The following BEND7 variants were observed in gnomAD, a reference collection of about 807,000 sequenced individuals.
BEND7 encodes BEN domain containing 7.
A neutral mutation model predicts 50.9 loss-of-function variants in BEND7; 28 were observed. The ratio of observed to expected loss-of-function variants is 0.55; its 90% CI spans 0.41 to 0.75. The LOEUF (loss-of-function observed/expected upper bound fraction) is 0.75. Among genes scored for constraint, BEND7 ranks in the 30% least tolerant of loss-of-function variants. The probability of loss-of-function intolerance (pLI) is 0.00; values close to 1 mark genes in which losing one functional copy is unlikely to be tolerated. For synonymous variants in BEND7, 170 were observed against 183.9 expected, an observed-to-expected ratio of 0.92 and a Z score of 0.61; for missense variants, 477 against 491.3, an observed-to-expected ratio of 0.97 and a Z score of 0.28.
At chr10:13,517,399 G>A (rs1448034277) in intron 2 of BEND7, among the ~76,000 whole-genome samples, 4 of 152,050 alleles carry the variant, frequency 2.6e-5, no homozygotes, top group Non-Finnish European at 2.9e-5. Flanking sequence ...GAATCAGCTC[G>A]AAGAAGTAGA....
intron 4 of BEND7, among the ~76,000 whole-genome samples, chr10:13,495,839 C>T (rs971192472): frequency 5.3e-5 from 8 of 152,276 alleles, no homozygotes; most frequent in East Asian, 3.9e-4. Flanking sequence ...GACGACCTTC[C>T]GGACTACCAT....
In BEND7 at chr10:13,521,382, T is replaced by C. The variant is rs79784983; in HGVS notation, c.145+4756A>G. 7.0e-4 allele frequency among the ~76,000 whole-genome samples: 107 copies of C among 152,298 alleles called. No homozygotes were observed. In the East Asian group the frequency reaches 0.02, roughly 29 times the overall value. The stretch of plus-strand genomic sequence containing the variant: ...TCTTGGGACAATTAATGGGATAACA[T>C]TTACAAAGTCCTTTACATAGTGCTG... On this transcript the variant is annotated intron_variant, in intron 2 of 8. Transcript: ENST00000466271.
chr10:13,501,287 C>T (rs1466567587), intron 2 of BEND7, among the ~76,000 whole-genome samples: 1 of 147,320 alleles, frequency 6.8e-6, no homozygotes, highest in East Asian at 2.0e-4. Context: ...GCCAGGAGAA[C>T]CCGGCTCACC....
intron 2 of BEND7, among the ~76,000 whole-genome samples, chr10:13,507,432 C>T (rs1189705378): frequency 6.6e-6 from 1 of 152,186 alleles, no homozygotes; most frequent in African/African-American, 2.4e-5. Context: ...CACTATTACA[C>T]TATCATGTCC....
chr10:13,485,036 G>T (rs1004272635), intron 5 of BEND7, among the ~76,000 whole-genome samples: 2 of 152,118 alleles, frequency 1.3e-5, no homozygotes, highest in Admixed American at 6.5e-5. Context: ...AGTAGCTGGG[G>T]TTAAGATCTA....
At chr10:13,464,967 G>T (rs926762846) in intron 6 of BEND7, among the ~76,000 whole-genome samples, 6 of 152,174 alleles carry the variant, frequency 3.9e-5, no homozygotes, top group African/African-American at 1.4e-4. Context: ...GGTCTCAACT[G>T]AGACGTGACC....
intron 3 of BEND7, among the ~76,000 whole-genome samples, chr10:13,498,251 T>G (rs1258089834): frequency 6.6e-6 from 1 of 151,892 alleles, no homozygotes; most frequent in Non-Finnish European, 1.5e-5. Context: ...AATTTTTGTA[T>G]TTTTTAGTAG....
intron 5 of BEND7, among the ~76,000 whole-genome samples, chr10:13,486,240 G>C (rs2076214385): frequency 6.6e-6 from 1 of 152,196 alleles, no homozygotes; most frequent in South Asian, 2.1e-4. Flanking sequence ...TTGTTGCCCA[G>C]ACTGGTTTCA....
chr10:13,463,583 A>G (rs2073936121), intron 6 of BEND7, among the ~76,000 whole-genome samples: 1 of 152,206 alleles, frequency 6.6e-6, no homozygotes, highest in Non-Finnish European at 1.5e-5. Flanking sequence ...CATTTAGGTA[A>G]AAGTAAATTC....
chr10:13,514,327 T>C (rs1213556945), intron 2 of BEND7, among the ~76,000 whole-genome samples: 2 of 152,170 alleles, frequency 1.3e-5, no homozygotes. Flanking sequence ...CCACCACTGA[T>C]GTGCAAGAGA....
chr10:13,528,386 G>A (rs1432300792), intron 1 of BEND7, 87 bp downstream of exon 1: 1 of 586,816 alleles, frequency 1.7e-6, no homozygotes, highest in Non-Finnish European at 2.1e-6. Flanking sequence ...GGGGCTCCGG[G>A]AGGGCGCGCC....
intron 2 of BEND7, among the ~76,000 whole-genome samples, chr10:13,514,393 C>T (rs551309331): frequency 3.7e-4 from 57 of 152,242 alleles, no homozygotes; most frequent in Non-Finnish European, 6.6e-4. Context: ...GAGTGTGCAG[C>T]GGGGTGGCAA....
chr10:13,442,473 G>A (rs539408291), intron 8 of BEND7: 1 of 152,244 alleles, frequency 6.6e-6, no homozygotes, highest in East Asian at 1.9e-4. Context: ...AAATCTGGAG[G>A]TAAATATTTC....
chr10:13,461,045 G>A, intron 6 of BEND7, among the ~76,000 whole-genome samples: 1 of 152,192 alleles, frequency 6.6e-6, no homozygotes, highest in Non-Finnish European at 1.5e-5. Flanking sequence ...ACACAGCCAA[G>A]GGGCACCTCA....
At chr10:13,482,672 C>T (rs555536230) in intron 5 of BEND7, among the ~76,000 whole-genome samples, 2 of 152,232 alleles carry the variant, frequency 1.3e-5, no homozygotes, top group African/African-American at 4.8e-5. Flanking sequence ...TCTCACACTT[C>T]TGCTTCACTT....
At chr10:13,456,386 C>A (rs1023179542) in intron 6 of BEND7, among the ~76,000 whole-genome samples, 11 of 152,292 alleles carry the variant, frequency 7.2e-5, no homozygotes, top group Middle Eastern at 3.4e-3. Context: ...TGAGGTCCAT[C>A]CACTACATAG....
intron 2 of BEND7, among the ~76,000 whole-genome samples, chr10:13,513,082 G>T (rs533172138): frequency 6.6e-6 from 1 of 152,298 alleles, no homozygotes; most frequent in African/African-American, 2.4e-5. Flanking sequence ...TGTCTTTCCT[G>T]CATGCAGTGT....
chr10:13,455,285 C>A (rs1214573986), intron 6 of BEND7, among the ~76,000 whole-genome samples: 1 of 151,956 alleles, frequency 6.6e-6, no homozygotes. Context: ...CTGGGGAACG[C>A]CACGCTGCCA....
At chr10:13,465,573 G>C (rs554549913) in intron 6 of BEND7, among the ~76,000 whole-genome samples, 2 of 152,256 alleles carry the variant, frequency 1.3e-5, no homozygotes, top group South Asian at 4.1e-4. Flanking sequence ...CTGATTCCAA[G>C]CCATATTTAT....
Sources: allele counts gnomAD v4.1 joint callset (sites outside exome capture counted in the v4.1 genomes callset), GRCh38; gene constraint gnomAD v4.1.1; transcripts MANE v1.5; gene names NCBI Gene and HGNC (gene_info 2026-07-23, HGNC 2026-07-21).